Variants in MYEF2 observed in about 807,000 individuals in gnomAD.
MYEF2 encodes myelin expression factor 2, also known as myelin gene expression factor 2.
MYEF2 carries 37 observed loss-of-function variants against 75.2 expected under a neutral mutation model. That is an observed-to-expected ratio of 0.49 (90% CI 0.38 to 0.65). The LOEUF is 0.65. Ranked by LOEUF, MYEF2 falls within the 30% of genes least tolerant of loss-of-function variation. The pLI, the probability that MYEF2 is intolerant of heterozygous loss-of-function variation, is 0.00. For synonymous variants in MYEF2, 195 were observed against 241.6 expected, an observed-to-expected ratio of 0.81 and a Z score of 1.79; for missense variants, 634 against 771.4, an observed-to-expected ratio of 0.82 and a Z score of 2.11.
intron 11 of MYEF2, 83 bp downstream of exon 11, chr15:48,152,151 T>C: frequency 7.2e-7 from 1 of 1,392,260 alleles, no homozygotes. Context: ...CCATGACTTT[T>C]TTTTCATGGA....
intron 9 of MYEF2, among the ~76,000 whole-genome samples, chr15:48,154,763 A>G (rs1257841911): frequency 1.3e-5 from 2 of 152,194 alleles, no homozygotes; most frequent in African/African-American, 2.4e-5. Context: ...GGGGAAAAAA[A>G]TTAGTGCCAG....
intron 7 of MYEF2, 75 bp downstream of exon 7, chr15:48,158,694 T>C (rs976946144): frequency 3.8e-6 from 6 of 1,559,908 alleles, no homozygotes; most frequent in Non-Finnish European, 4.4e-6. Context: ...TAAATTCAAT[T>C]ACCCCCCGCC....
At chr15:48,169,356 A>C (rs1207379837) in intron 1 of MYEF2, among the ~76,000 whole-genome samples, 2 of 152,228 alleles carry the variant, frequency 1.3e-5, no homozygotes, top group Non-Finnish European at 2.9e-5. Flanking sequence ...AAAGTTATGT[A>C]TATAAATCCA....
At chr15:48,156,989 A>G (rs908702783) in intron 9 of MYEF2, 7 of 152,086 alleles carry the variant, frequency 4.6e-5, no homozygotes, top group African/African-American at 1.7e-4. Flanking sequence ...CCATTTTACC[A>G]TAAAATTTTA....
chr15:48,173,071 G>A (rs997478276), intron 1 of MYEF2, among the ~76,000 whole-genome samples: 1 of 152,152 alleles, frequency 6.6e-6, no homozygotes, highest in African/African-American at 2.4e-5. Context: ...CAATATCCCT[G>A]ATGATCACAG....
intron 1 of MYEF2, among the ~76,000 whole-genome samples, chr15:48,177,048 A>G (rs1597370301): frequency 6.6e-6 from 1 of 152,142 alleles, no homozygotes; most frequent in Non-Finnish European, 1.5e-5. Context: ...GGTCAGAAAG[A>G]CCTTTCCCTT....
At chr15:48,165,567 C>A in intron 5 of MYEF2, among the ~76,000 whole-genome samples, 1 of 151,996 alleles carries the variant, frequency 6.6e-6, no homozygotes, top group South Asian at 2.1e-4. Flanking sequence ...CATTAAGTGA[C>A]CTTTAATTAT....
chr15:48,153,082 T>C, intron 10 of MYEF2: 1 of 149,190 alleles, frequency 6.7e-6, no homozygotes, highest in East Asian at 1.9e-4. Flanking sequence ...GAAACAGATA[T>C]AACAGCAATA....
In MYEF2 at chr15:48,138,999, CA is replaced by C; in HGVS notation, c.*3908del. On this transcript the variant is annotated 3_prime_UTR_variant, in exon 17 of 17. Transcript: ENST00000324324. ...CCAAGTGTTTTCAACATGCCTGAAG[CA>C]GACTTAAAAAGAATTTTTTGGGTAT... 1 of 1,612,768 alleles carries C rather than the reference CA, an allele frequency of 6.2e-7. No homozygotes were observed. The highest frequency in any genetic ancestry group is 1.1e-5 in the South Asian group (1 of 90,964).
chr15:48,176,960 A>T (rs2040551312), intron 1 of MYEF2, among the ~76,000 whole-genome samples: 1 of 152,144 alleles, frequency 6.6e-6, no homozygotes, highest in South Asian at 2.1e-4. Context: ...GGGGAGAGCT[A>T]CCCCATCTTT....
intron 2 of MYEF2, 37 bp downstream of exon 2, chr15:48,168,594 A>C: frequency 6.5e-7 from 1 of 1,543,042 alleles, no homozygotes; most frequent in Non-Finnish European, 8.9e-7. Context: ...GCCTATATGA[A>C]GATTATCCAA....
At chr15:48,163,469 A>G (rs2040024607) in intron 5 of MYEF2, among the ~76,000 whole-genome samples, 1 of 152,214 alleles carries the variant, frequency 6.6e-6, no homozygotes, top group Non-Finnish European at 1.5e-5. Context: ...CATCTCTATA[A>G]CATAAAAGTG....
At chr15:48,167,563 T>A (rs1339715293) in intron 2 of MYEF2, among the ~76,000 whole-genome samples, 162 bp from the exon 3 acceptor site, 1 of 152,092 alleles carries the variant, frequency 6.6e-6, no homozygotes, top group Non-Finnish European at 1.5e-5. Flanking sequence ...TATGTAAATT[T>A]AACTAATTTT....
At chr15:48,159,514 TA>T in intron 6 of MYEF2, 98 bp downstream of exon 6, 2 of 1,144,722 alleles carry the variant, frequency 1.7e-6, no homozygotes, top group Non-Finnish European at 1.2e-6. Flanking sequence ...TTACTTTAGT[TA>T]AAAATAAGCA....
chr15:48,168,309 G>T (rs1205492206), intron 2 of MYEF2, among the ~76,000 whole-genome samples: 1 of 151,646 alleles, frequency 6.6e-6, no homozygotes, highest in East Asian at 1.9e-4. Context: ...CACGCTAAAT[G>T]TATTGCTTAA....
chr15:48,171,387 G>C (rs1268048572), intron 1 of MYEF2, among the ~76,000 whole-genome samples: 1 of 151,976 alleles, frequency 6.6e-6, no homozygotes, highest in Non-Finnish European at 1.5e-5. Context: ...GACTTAGGTG[G>C]GGTTACATAG....
intron 1 of MYEF2, chr15:48,170,049 T>C (rs2040268982): frequency 6.6e-6 from 1 of 152,182 alleles, no homozygotes; most frequent in African/African-American, 2.4e-5. Flanking sequence ...TATTTTAAAA[T>C]GCAATTTACT....
In MYEF2 at chr15:48,152,529, A is replaced by G; in HGVS notation, c.1088-245T>C. The G allele has an allele frequency of 7.1e-6, 3 of 423,102 alleles. No individual in the cohort carries two copies. The South Asian group carries it at 1.9e-4, about 27-fold the overall frequency. 26.2% of individuals were successfully genotyped at this position (423,102 alleles called of 1,614,324 possible). ...AGCAAAATTCACTAGTAACACCCAC[A>G]ACATTCAGTTAGAGAATATCTTGAA... On this transcript the variant is annotated intron_variant, in intron 10 of 16. Transcript: ENST00000324324.
In MYEF2 at chr15:48,142,785, G is replaced by T; in HGVS notation, c.*123C>A. 2 of 916,874 alleles carry T rather than the reference G, an allele frequency of 2.2e-6. No individual in the cohort carries two copies. The highest frequency in any genetic ancestry group is 3.2e-6 in the Non-Finnish European group (2 of 632,320). The allele number at this position is 916,874 out of a possible 1,614,324, so 56.8% of individuals were successfully genotyped here. On this transcript the variant is annotated 3_prime_UTR_variant, in exon 17 of 17. Transcript: ENST00000324324. ...TTTTAACATTATACTGTTAAAAGCT[G>T]GTGGGAGTTTTAAAAGTTCATTTTT...
Sources: gnomAD v4.1 joint callset for allele counts (sites outside exome capture counted in the v4.1 genomes callset) on GRCh38, gnomAD v4.1.1 for gene constraint, MANE v1.5 for transcripts, NCBI Gene and HGNC (gene_info 2026-07-23, HGNC 2026-07-21) for gene names.